The following DYM variants were observed in gnomAD, a reference collection of about 807,000 sequenced individuals.
DYM encodes dyggve-Melchior-Clausen syndrome protein.
Under a neutral mutation model 93.1 loss-of-function variants are expected in DYM, and 78 were observed. The observed-to-expected ratio is 0.84, with a 90% confidence interval of 0.70 to 1.01. The LOEUF (loss-of-function observed/expected upper bound fraction) is 1.01. Among genes scored for constraint, DYM ranks in the 50% least tolerant of loss-of-function variants. The pLI is 0.00. For synonymous variants in DYM, 321 were observed against 319.7 expected (o/e 1.00, Z -0.04); for missense variants, 789 against 845.0 (o/e 0.93, Z 0.82).
intron 8 of DYM, among the ~76,000 whole-genome samples, chr18:49,326,350 A>AT (rs540979308): frequency 4.1e-4 from 63 of 152,276 alleles, no homozygotes; most frequent in Middle Eastern, 6.8e-3. Flanking sequence ...GTACTGGAAA[A>AT]TTACTAATAC....
chr18:49,398,623 T>C (rs1431947167), intron 2 of DYM, among the ~76,000 whole-genome samples: 1 of 152,258 alleles, frequency 6.6e-6, no homozygotes, highest in Non-Finnish European at 1.5e-5. Flanking sequence ...TGCTGATGGC[T>C]TTCCAATTCC....
At chr18:49,439,807 G>C (rs1257942636) in intron 1 of DYM, among the ~76,000 whole-genome samples, 1 of 151,902 alleles carries the variant, frequency 6.6e-6, no homozygotes, top group Non-Finnish European at 1.5e-5. Context: ...TTCAAGACCA[G>C]CCTTGACAAC....
chr18:49,170,782 A>C (rs1334168130), intron 14 of DYM, among the ~76,000 whole-genome samples: 18 of 51,750 alleles, frequency 3.5e-4, no homozygotes, highest in African/African-American at 9.9e-4. Flanking sequence ...CTCCGTCTCA[A>C]AAAAAAAAAA....
chr18:49,191,674 T>C (rs980535545), intron 14 of DYM, among the ~76,000 whole-genome samples: 20 of 152,220 alleles, frequency 1.3e-4, no homozygotes, highest in African/African-American at 4.8e-4. Flanking sequence ...TTTTATAAAT[T>C]ATCTCCTAGT....
At chr18:49,186,023 GATCT>G (rs2090400440) in intron 14 of DYM, among the ~76,000 whole-genome samples, 1 of 152,032 alleles carries the variant, frequency 6.6e-6, no homozygotes, top group Admixed American at 6.6e-5. Context: ...CTGTCTTTGT[GATCT>G]ATTAATGAAT....
chr18:49,437,652 C>T (rs748933374), intron 1 of DYM, among the ~76,000 whole-genome samples: 5 of 152,184 alleles, frequency 3.3e-5, no homozygotes, highest in African/African-American at 1.2e-4. Flanking sequence ...GCCTGGCTGC[C>T]TTCTACAGAG....
At chr18:49,301,939 C>T (rs1448239318) in intron 8 of DYM, among the ~76,000 whole-genome samples, 2 of 152,202 alleles carry the variant, frequency 1.3e-5, no homozygotes, top group Non-Finnish European at 2.9e-5. Context: ...CCTTCTCTCT[C>T]ACAAAATAAG....
chr18:49,426,419 A>C (rs1439427860), intron 2 of DYM, among the ~76,000 whole-genome samples: 1 of 111,434 alleles, frequency 9.0e-6, no homozygotes, highest in Non-Finnish European at 1.8e-5. Context: ...GGGGGGAGGG[A>C]TAGCATTAGG....
intron 17 of DYM, among the ~76,000 whole-genome samples, chr18:49,058,013 G>T (rs970824715): frequency 6.6e-5 from 10 of 152,248 alleles, no homozygotes; most frequent in Non-Finnish European, 8.8e-5. Flanking sequence ...AGGCACAACT[G>T]CTGGCTAGAC....
At chr18:49,101,892 T>G (rs2080184567) in intron 16 of DYM, among the ~76,000 whole-genome samples, 1 of 152,202 alleles carries the variant, frequency 6.6e-6, no homozygotes, top group African/African-American at 2.4e-5. Context: ...ATAATTAGAA[T>G]AGACATCATG....
At chr18:49,067,170 A>ATTG (rs1599482985) in intron 17 of DYM, among the ~76,000 whole-genome samples, 13 of 23,658 alleles carry the variant, frequency 5.5e-4, no homozygotes, top group South Asian at 1.5e-3. Flanking sequence ...TGATGTGAGC[A>ATTG]CTATGGAGGT....
intron 15 of DYM, 125 bp from the exon 16 acceptor site, chr18:49,119,051 C>T: frequency 1.3e-6 from 1 of 796,800 alleles, no homozygotes; most frequent in Non-Finnish European, 2.1e-6. Context: ...AGAAGAAGCT[C>T]ATCAAGATTA....
intron 16 of DYM, among the ~76,000 whole-genome samples, chr18:49,101,391 T>C (rs2080122815): frequency 6.6e-6 from 1 of 152,238 alleles, no homozygotes; most frequent in Non-Finnish European, 1.5e-5. Context: ...ATTATGCTAT[T>C]AGCTTTGAAC....
chr18:49,321,920 G>A (rs553517847), intron 8 of DYM, among the ~76,000 whole-genome samples: 2 of 152,086 alleles, frequency 1.3e-5, no homozygotes, highest in South Asian at 4.1e-4. Flanking sequence ...GCCTGTTTCT[G>A]ATTGCCACAT....
intron 3 of DYM, among the ~76,000 whole-genome samples, chr18:49,389,818 C>G (rs1005884388): frequency 1.3e-5 from 2 of 152,104 alleles, no homozygotes; most frequent in Admixed American, 6.6e-5. Context: ...CATGAGCCAC[C>G]ACTCCCAGCT....
At chr18:49,347,493 G>A (rs996448562) in intron 6 of DYM, among the ~76,000 whole-genome samples, 1 of 152,094 alleles carries the variant, frequency 6.6e-6, no homozygotes, top group African/African-American at 2.4e-5. Flanking sequence ...TATGCTGCAG[G>A]AGTCGCCGAT....
intron 14 of DYM, among the ~76,000 whole-genome samples, chr18:49,184,864 A>C (rs993330444): frequency 6.6e-5 from 10 of 152,234 alleles, no homozygotes; most frequent in African/African-American, 2.2e-4. Flanking sequence ...ACCACCGCAT[A>C]TATCTCAGAG....
At chr18:49,376,062 T>G (rs2067481442) in intron 5 of DYM, among the ~76,000 whole-genome samples, 1 of 152,148 alleles carries the variant, frequency 6.6e-6, no homozygotes, top group African/African-American at 2.4e-5. Context: ...TCAAACTGGC[T>G]TCCTTGCTCC....
At chr18:49,230,758 A>C (rs1040988167) in intron 13 of DYM, among the ~76,000 whole-genome samples, 3 of 152,248 alleles carry the variant, frequency 2.0e-5, no homozygotes, top group Non-Finnish European at 2.9e-5. Context: ...GTAGTCTGAG[A>C]CATACGCCTT....
Sources: gnomAD v4.1 joint callset for allele counts (sites outside exome capture counted in the v4.1 genomes callset) on GRCh38, gnomAD v4.1.1 for gene constraint, MANE v1.5 for transcripts, NCBI Gene and HGNC (gene_info 2026-07-23, HGNC 2026-07-21) for gene names.